Variants in AUTS2 observed in about 807,000 individuals in gnomAD.
AUTS2 encodes autism susceptibility gene 2 protein.
Under a neutral mutation model 112.4 loss-of-function variants are expected in AUTS2, and 17 were observed. The observed-to-expected ratio is 0.15, with a 90% CI of 0.10 to 0.23. The LOEUF is 0.23. AUTS2 is among the 10% of genes least tolerant of loss of function. The pLI is 1.00. For synonymous variants in AUTS2, 751 were observed against 702.7 expected (o/e 1.07, Z -1.09); for missense variants, 1,510 against 1,701.6 (o/e 0.89, Z 1.98).
rs1792046002 is a variant in AUTS2, at chr7:70,792,621, T to G, written c.*1625T>G. ...ACTCCAGATGTTGTGCGGTGTTTTT[T>G]TTTTTTTTTAAGACAACAACTAAAA... On this transcript the variant is annotated 3_prime_UTR_variant, in exon 19 of 19. Coordinates refer to ENST00000342771, the MANE Select transcript of AUTS2 (RefSeq NM_015570.4). 1 of 126,432 alleles carries G rather than the reference T, an allele frequency of 7.9e-6. No individual in the cohort carries two copies. The highest frequency in any genetic ancestry group is 1.7e-5 in the Non-Finnish European group (1 of 59,012). 7.8% of individuals were successfully genotyped at this position (126,432 alleles called of 1,614,324 possible).
intron 1 of AUTS2, among the ~76,000 whole-genome samples, chr7:69,620,422 T>C (rs1342230145): frequency 6.6e-6 from 1 of 152,182 alleles, no homozygotes; most frequent in East Asian, 1.9e-4. Flanking sequence ...AGAGGTCATG[T>C]TTGGAGTTAG....
At chr7:70,782,857 T>C (rs1791182205) in intron 15 of AUTS2, 1 of 152,088 alleles carries the variant, frequency 6.6e-6, no homozygotes, top group Non-Finnish European at 1.5e-5. Flanking sequence ...GAAATCATCA[T>C]TATAATGGGC....
intron 4 of AUTS2, among the ~76,000 whole-genome samples, chr7:70,254,393 C>A (rs1361651405): frequency 6.6e-6 from 1 of 151,186 alleles, no homozygotes; most frequent in Non-Finnish European, 1.5e-5. Flanking sequence ...ATTAGTATTT[C>A]ATTATTCCAT....
At chr7:70,166,009 C>G (rs1457620731) in intron 4 of AUTS2, among the ~76,000 whole-genome samples, 1 of 152,072 alleles carries the variant, frequency 6.6e-6, no homozygotes, top group African/African-American at 2.4e-5. Context: ...TGTGACAATT[C>G]CTGCTTGCTT....
chr7:69,838,520 C>G (rs1290048902), intron 1 of AUTS2, among the ~76,000 whole-genome samples: 3 of 152,152 alleles, frequency 2.0e-5, no homozygotes, highest in African/African-American at 7.2e-5. Flanking sequence ...GGGGTTTGTA[C>G]CCAGGCTATC....
At chr7:69,660,794 G>A (rs1441256203) in intron 1 of AUTS2, among the ~76,000 whole-genome samples, 7 of 152,300 alleles carry the variant, frequency 4.6e-5, no homozygotes, top group Non-Finnish European at 1.0e-4. Context: ...AGTTAGCTGG[G>A]TGTGGTGGCG....
Position 70,303,434 on chromosome 7 carries a change from G to GCGCACACACACACACA in AUTS2, c.661-132317_661-132316insGCACACACACACACAC, listed in dbSNP as rs1241517255. On this transcript the variant is annotated intron_variant, in intron 4 of 18. Coordinates refer to ENST00000342771, the MANE Select transcript of AUTS2 (RefSeq NM_015570.4). ...CACGCACACACACACGCGCGCGCGC[G>GCGCACACACACACACA]CACATACACACACACACACACACAC... Among the ~76,000 whole-genome samples, 1,053 of 141,968 alleles carry GCGCACACACACACACA rather than the reference G, an allele frequency of 7.4e-3. 10 individuals carry two copies. The highest frequency in any genetic ancestry group is 0.013 in the East Asian group (62 of 4,714). The allele number at this position is 141,968 out of a possible 152,430, so 93.1% of individuals were successfully genotyped here. A position where few individuals can be genotyped will look rare whatever the true frequency, so the allele number is the denominator to read the frequency against.
chr7:70,554,889 C>T (rs1005979276), intron 5 of AUTS2, among the ~76,000 whole-genome samples: 5 of 152,210 alleles, frequency 3.3e-5, no homozygotes, highest in Non-Finnish European at 1.5e-5. Flanking sequence ...GTGATGACAA[C>T]ACTGTGCCAA....
intron 2 of AUTS2, among the ~76,000 whole-genome samples, chr7:69,915,820 G>A (rs1270916675): frequency 2.0e-5 from 3 of 152,164 alleles, no homozygotes; most frequent in East Asian, 1.9e-4. Context: ...TCTGCCCCCC[G>A]GGCTTAAGTG....
chr7:70,677,301 A>C (rs1807965231), intron 5 of AUTS2, among the ~76,000 whole-genome samples: 1 of 152,094 alleles, frequency 6.6e-6, no homozygotes, highest in Admixed American at 6.6e-5. Context: ...TGCAAATCCG[A>C]GCTCTCTTTC....
At chr7:70,425,687 G>A (rs1031187452) in intron 4 of AUTS2, among the ~76,000 whole-genome samples, 2 of 152,176 alleles carry the variant, frequency 1.3e-5, no homozygotes, top group Non-Finnish European at 2.9e-5. Flanking sequence ...TGCCTGGGGA[G>A]CAAGACTTGT....
chr7:70,736,714 A>G (rs1787799266), intron 6 of AUTS2, among the ~76,000 whole-genome samples: 1 of 152,220 alleles, frequency 6.6e-6, no homozygotes, highest in Admixed American at 6.5e-5. Context: ...TGTTAGGGGA[A>G]TGAGGAACAA....
chr7:69,980,029 A>G (rs192130024), intron 2 of AUTS2, among the ~76,000 whole-genome samples: 5 of 152,262 alleles, frequency 3.3e-5, no homozygotes, highest in Non-Finnish European at 4.4e-5. Flanking sequence ...CTAAGCTTCT[A>G]TCCCTTCTCT....
Position 70,002,664 on chromosome 7 carries a change from G to C in AUTS2, c.522+103166G>C, listed in dbSNP as rs140047219. Among the ~76,000 whole-genome samples the C allele has an allele frequency of 3.1e-3, 475 of 152,266 alleles. 2 individuals carry two copies. Among genetic ancestry groups the C allele is most frequent in the Admixed American group, 8.2e-3 (126 of 15,288 alleles). ...TTACGATTTTTAGACGACACTTACA[G>C]TGAGTCAGCAGCATGTAGTTAGCTG... On this transcript the variant is annotated intron_variant, in intron 2 of 18. Transcript: ENST00000342771.
intron 5 of AUTS2, among the ~76,000 whole-genome samples, chr7:70,599,345 C>T (rs977075542): frequency 6.6e-6 from 1 of 152,180 alleles, no homozygotes; most frequent in Non-Finnish European, 1.5e-5. Flanking sequence ...CTTTTAATGA[C>T]CTAGTAAATG....
At chr7:70,229,223 T>C (rs1422178058) in intron 4 of AUTS2, among the ~76,000 whole-genome samples, 1 of 152,110 alleles carries the variant, frequency 6.6e-6, no homozygotes, top group South Asian at 2.1e-4. Context: ...TTTTGTTTAA[T>C]CCTAATGAAC....
chr7:69,600,075 T>TGTCTGTCC, intron 1 of AUTS2, 113 bp downstream of exon 1: 8 of 1,193,306 alleles, frequency 6.7e-6, no homozygotes, highest in Non-Finnish European at 9.6e-6. Flanking sequence ...TCTGTCTGTC[T>TGTCTGTCC]GTCTGTCTGT....
chr7:70,466,210 T>A (rs1341743357), intron 5 of AUTS2, among the ~76,000 whole-genome samples: 1 of 152,168 alleles, frequency 6.6e-6, no homozygotes, highest in Non-Finnish European at 1.5e-5. Flanking sequence ...CACTTCTTGA[T>A]AAACAATGAA....
At chr7:69,804,745 G>A (rs1283235136) in intron 1 of AUTS2, among the ~76,000 whole-genome samples, 1 of 152,178 alleles carries the variant, frequency 6.6e-6, no homozygotes, top group African/African-American at 2.4e-5. Flanking sequence ...TCGATTTGTA[G>A]CATCTCTGGA....
Sources: allele counts gnomAD v4.1 joint callset (sites outside exome capture counted in the v4.1 genomes callset), GRCh38; gene constraint gnomAD v4.1.1; transcripts MANE v1.5; gene names NCBI Gene and HGNC (gene_info 2026-07-23, HGNC 2026-07-21).